The following DSP variants were observed in gnomAD, a reference collection of about 807,000 sequenced individuals.
The protein encoded by DSP is desmoplakin, also known as 250/210 kDa paraneoplastic pemphigus antigen.
A neutral mutation model predicts 290.6 loss-of-function variants in DSP; 114 were observed. The observed-to-expected ratio is 0.39, with a 90% CI of 0.34 to 0.46. DSP has a LOEUF of 0.46. Ranked by LOEUF, DSP falls within the 20% of genes least tolerant of loss-of-function variation. The pLI, the probability that DSP is intolerant of heterozygous loss-of-function variation, is 0.99. For missense variants in DSP, 3,230 were observed against 3,495.8 expected, an observed-to-expected ratio of 0.92 and a Z score of 1.92; for synonymous variants, 1,311 against 1,316.4, an observed-to-expected ratio of 1.00 and a Z score of 0.09.
chr6:7,541,913 G>C lies in DSP; in HGVS notation c.-3G>C. 1 of 1,602,246 alleles carries C rather than the reference G, an allele frequency of 6.2e-7. No individual in the cohort carries two copies. The highest frequency in any genetic ancestry group is 8.5e-7 in the Non-Finnish European group (1 of 1,176,772). ...TGAGCCGCTCTCCCGATTGCCCGCC[G>C]ACATGAGCTGCAACGGAGGCTCCCA... On this transcript the variant is annotated 5_prime_UTR_variant, in exon 1 of 24. Transcript: ENST00000379802.
At position 7,584,102 on chromosome 6, in the gene DSP, T is replaced by C; in HGVS notation, c.6840T>C (p.Ile2280=). The C allele has an allele frequency of 6.2e-7, 1 of 1,614,110 alleles. No individual in the cohort carries two copies. Residue 2280 remains isoleucine (I), a synonymous_variant, in exon 24 of 24, where the codon ATT becomes ATC. Transcript: ENST00000379802. The surrounding 1 kb of genome is among the most constrained non-coding windows in gnomAD (Gnocchi z 6.4). ...QKLGIYEAMK[I]GLVRPGTALE... Reference sequence around the variant, plus strand: ...TTGGCATTTATGAGGCCATGAAAATTGGCTTAGTCCGACCTGGTACTGCTC... The same window carrying C: ...TTGGCATTTATGAGGCCATGAAAATCGGCTTAGTCCGACCTGGTACTGCTC...
In DSP at chr6:7,541,993, G is replaced by A. The variant is rs71559180; in HGVS notation, c.78G>A (p.Leu26=). 29 of 1,600,226 alleles carry A rather than the reference G, an allele frequency of 1.8e-5. No homozygotes were observed. The highest frequency in any genetic ancestry group is 2.5e-5 in the Non-Finnish European group (29 of 1,174,714). ...RMIRAESGPD[L]RYEVTSGGGG... The stretch of plus-strand genomic sequence containing the variant: ...TCCGCGCCGAGTCTGGCCCGGACCT[G>A]CGCTACGAGGTGACCAGCGGCGGCG... Residue 26 remains leucine, a synonymous_variant, in exon 1 of 24, where the codon CTG becomes CTA. Transcript: ENST00000379802.
chr6:7,553,520 C>A (rs1451031299), intron 1 of DSP, among the ~76,000 whole-genome samples: 1 of 152,058 alleles, frequency 6.6e-6, no homozygotes, highest in East Asian at 1.9e-4. Flanking sequence ...TTAATTCATC[C>A]TAGGGTTCTA....
chr6:7,584,976 A>G lies in DSP; in HGVS notation c.7714A>G (p.Ser2572Gly). The change falls in exon 24 of 24, where the codon AGC (serine) becomes GGC (glycine). Residue 2572 changes from serine (S) to glycine (G), a missense_variant. By Grantham distance (56) the Ser-to-Gly change is moderately conservative (BLOSUM62 0). This residue lies in a region of DSP where 582 missense variants were observed against 555.4 expected (regional missense o/e 1.05). Coordinates refer to ENST00000379802, the MANE Select transcript of DSP (RefSeq NM_004415.4). The surrounding 1 kb of genome is among the most constrained non-coding windows in gnomAD (Gnocchi z 6.4). ...GAAAAATGGTGTCGGCACCAGCAGC[A>G]GCATGGGCAGTGGTGTCAGCGATGA... ...SLKNGVGTSSSMGSGVSDDVF... is the reference protein window; with the variant it reads ...SLKNGVGTSSGMGSGVSDDVF... The G allele has an allele frequency of 6.2e-7, 1 of 1,614,238 alleles. No homozygotes were observed.
intron 1 of DSP, among the ~76,000 whole-genome samples, chr6:7,549,445 G>A (rs1305521970): frequency 2.6e-5 from 4 of 152,082 alleles, no homozygotes; most frequent in East Asian, 1.9e-4. Flanking sequence ...CACCGTACCC[G>A]GCTAGTGAAT....
chr6:7,567,986 G>A lies in DSP; in HGVS notation c.1266+80G>A, dbSNP rs564298874. ...ACATGCCTTGGATGCAGTTGGCTCTGATTAGTATTATTGTACAATGCACGC... is the reference window on the plus strand; with the variant it reads ...ACATGCCTTGGATGCAGTTGGCTCTAATTAGTATTATTGTACAATGCACGC... On this transcript the variant is annotated intron_variant, in intron 10 of 23. Transcript: ENST00000379802. The A allele has an allele frequency of 1.4e-5, 22 of 1,585,454 alleles. No homozygotes were observed. The African/African-American group carries it at 2.7e-4, about 19-fold the overall frequency.
At chr6:7,554,094 C>CACACACACACACACACACACACAG (rs1758424108) in intron 1 of DSP, among the ~76,000 whole-genome samples, 1 of 149,002 alleles carries the variant, frequency 6.7e-6, no homozygotes, top group African/African-American at 2.5e-5. Context: ...CACACACACA[C>CACACACACACACACACACACACAG]ACACACACAC....
Position 7,584,766 on chromosome 6 carries a change from G to C in DSP, c.7504G>C (p.Glu2502Gln). 1.9e-6 allele frequency: 3 copies of C among 1,614,240 alleles called. No homozygotes were observed. The highest frequency in any genetic ancestry group is 2.5e-6 in the Non-Finnish European group (3 of 1,180,048). The change falls in exon 24 of 24, where the codon GAA becomes CAA. Residue 2502 changes from glutamate to glutamine, a missense_variant. Physicochemically the swap from Glu to Gln is conservative, Grantham distance 29 (BLOSUM62 2). Coordinates refer to ENST00000379802, the MANE Select transcript of DSP (RefSeq NM_004415.4). This position sits in a 1 kb window ranked among gnomAD's most constrained non-coding sequence, Gnocchi z 6.4. ...TFKELCEQEC[E>Q]WEEITITGSD... ...CAAAGAACTGTGTGAGCAGGAATGT[G>C]AATGGGAAGAAATAACCATCACGGG...
At position 7,565,922 on chromosome 6, in the gene DSP, C is replaced by A; in HGVS notation, c.939+402C>A. On this transcript the variant is annotated intron_variant, in intron 7 of 23. Transcript: ENST00000379802. The surrounding 1 kb of genome is among the most constrained non-coding windows in gnomAD (Gnocchi z 4.2). Reference sequence around the variant, plus strand: ...GATGAAATAACCTGTACAACAAATCCCTGTGATACAAGTTTACCTGTGTAA... The same window carrying A: ...GATGAAATAACCTGTACAACAAATCACTGTGATACAAGTTTACCTGTGTAA... The A allele has an allele frequency of 9.0e-6, 3 of 332,574 alleles. No homozygotes were observed. The highest frequency in any genetic ancestry group is 1.7e-5 in the Non-Finnish European group (3 of 174,822). 20.6% of individuals were successfully genotyped at this position (332,574 alleles called of 1,614,324 possible). A position where few individuals can be genotyped will look rare whatever the true frequency, so the allele number is the denominator to read the frequency against.
At chr6:7,549,882 T>A (rs1412915505) in intron 1 of DSP, among the ~76,000 whole-genome samples, 1 of 152,210 alleles carries the variant, frequency 6.6e-6, no homozygotes, top group African/African-American at 2.4e-5. Flanking sequence ...AGCAACATAG[T>A]TATTATAAAA....
At chr6:7,558,360 G>A (rs1758568834) in intron 3 of DSP, 96 bp downstream of exon 3, 13 of 1,516,620 alleles carry the variant, frequency 8.6e-6, no homozygotes, top group South Asian at 1.2e-5. Context: ...TTCCTTTGAA[G>A]GCAGCACAAA....
In DSP at chr6:7,581,532, G is replaced by A; in HGVS notation, c.5342G>A (p.Arg1781Lys). Residue 1781 changes from arginine to lysine, a missense_variant, in exon 23 of 24, where the codon AGA becomes AAA. Transcript: ENST00000379802. ...NDLQRERENLRQEIEKFQKQA... is the reference protein window; with the variant it reads ...NDLQRERENLKQEIEKFQKQA... ...TTACAGAGAGAGAGGGAAAATTTGAGACAGGAAATTGAGAAATTCCAAAAG... is the reference window on the plus strand; with the variant it reads ...TTACAGAGAGAGAGGGAAAATTTGAAACAGGAAATTGAGAAATTCCAAAAG... The A allele has an allele frequency of 6.2e-7, 1 of 1,614,076 alleles. No homozygotes were observed. Among genetic ancestry groups the A allele is most frequent in the South Asian group, 1.1e-5 (1 of 91,072 alleles).
chr6:7,568,506 G>A lies in DSP; in HGVS notation c.1336G>A (p.Val446Ile). ...CTTGGTAAACAAGTCTAAGAAGATT[G>A]TACAGCTGAAGCCTCGTAACCCAGA... ...QNLVNKSKKIVQLKPRNPDYR... is the reference protein window; with the variant it reads ...QNLVNKSKKIIQLKPRNPDYR... The change falls in exon 11 of 24, where the codon GTA (valine) becomes ATA (isoleucine). Residue 446 changes from valine (V) to isoleucine (I), a missense_variant. Val to Ile is a conservative substitution (Grantham distance 29). Transcript: ENST00000379802. The A allele has an allele frequency of 6.2e-7, 1 of 1,614,132 alleles. No individual in the cohort carries two copies. The highest frequency in any genetic ancestry group is 8.5e-7 in the Non-Finnish European group (1 of 1,180,032).
chr6:7,575,528 C>T (rs1259973521), intron 18 of DSP, 40 bp downstream of exon 18: 1 of 1,611,612 alleles, frequency 6.2e-7, no homozygotes, highest in Non-Finnish European at 8.5e-7. Context: ...ATCTTCTCCC[C>T]TTTTGGTTGT....
Position 7,584,910 on chromosome 6 carries a change from G to C in DSP, c.7648G>C (p.Gly2550Arg), listed in dbSNP as rs781151826. 4 of 1,614,186 alleles carry C rather than the reference G, an allele frequency of 2.5e-6. No individual in the cohort carries two copies. The Admixed American group carries it at 6.7e-5, about 27-fold the overall frequency. The part of the protein sequence containing the change: ...DRKFFDQYRS[G>R]SLSLTQFADM... ...GAAGTTCTTTGATCAGTACCGATCC[G>C]GCAGCCTCAGCCTCACTCAATTTGC... The change falls in exon 24 of 24, where the codon GGC (glycine) becomes CGC (arginine). Residue 2550 changes from glycine to arginine, a missense_variant. By Grantham distance (125) the Gly-to-Arg change is moderately radical. Transcript: ENST00000379802. The surrounding 1 kb of genome is among the most constrained non-coding windows in gnomAD (Gnocchi z 6.4).
At chr6:7,574,038 A>G in intron 15 of DSP, 48 bp from the exon 16 acceptor site, 1 of 1,600,354 alleles carries the variant, frequency 6.2e-7, no homozygotes, top group Non-Finnish European at 8.6e-7. Context: ...ATATACAGTA[A>G]TAAAAAGAAT....
chr6:7,572,178 A>T, intron 15 of DSP, 110 bp downstream of exon 15: 1 of 993,240 alleles, frequency 1.0e-6, no homozygotes, highest in Admixed American at 2.2e-5. Flanking sequence ...ATTAACTTTC[A>T]AGAAAACAGG....
chr6:7,573,846 G>T (rs1362598475), intron 15 of DSP, among the ~76,000 whole-genome samples: 4 of 152,158 alleles, frequency 2.6e-5, no homozygotes, highest in Non-Finnish European at 4.4e-5. Context: ...TTCAGCGCAA[G>T]ACTACAGGTA....
intron 1 of DSP, among the ~76,000 whole-genome samples, chr6:7,545,140 A>C (rs981415745): frequency 3.3e-5 from 5 of 152,246 alleles, no homozygotes; most frequent in Non-Finnish European, 7.3e-5. Flanking sequence ...AGTTTCAGAA[A>C]TATGTGGTTA....
Sources: allele counts gnomAD v4.1 joint callset (sites outside exome capture counted in the v4.1 genomes callset), GRCh38; gene constraint gnomAD v4.1.1; regional missense constraint gnomAD v4.1.1; non-coding constraint Gnocchi (gnomAD v3.1); transcripts MANE v1.5; gene names NCBI Gene and HGNC (gene_info 2026-07-23, HGNC 2026-07-21).